The following LINC00632 variants were observed in gnomAD, a reference collection of about 807,000 sequenced individuals.
LINC00632 encodes long independently transcribed non-coding RNA 632.
intron 3 of LINC00632, among the ~76,000 whole-genome samples, chrX:140,767,939 C>A (rs1204793372): frequency 9.0e-6 from 1 of 111,535 alleles, no homozygotes; most frequent in African/African-American, 3.3e-5. Context: ...TGGAGCCTAA[C>A]CACCTCTTAA....
At chrX:140,763,402 CAAAAAA>C (rs139059108) in intron 3 of LINC00632, among the ~76,000 whole-genome samples, 2 of 73,667 alleles carry the variant, frequency 2.7e-5, no homozygotes, top group Non-Finnish European at 5.2e-5. Context: ...GACTCTGTCT[CAAAAAA>C]AAAAAAAAAA....
intron 3 of LINC00632, among the ~76,000 whole-genome samples, chrX:140,756,999 C>G: frequency 9.0e-6 from 1 of 111,713 alleles, no homozygotes; most frequent in Non-Finnish European, 1.9e-5. Flanking sequence ...GCTGGTTGCA[C>G]ACTTACTCTC....
chrX:140,790,071 T>C (rs1013404291), exon 5 of LINC00632, among the ~76,000 whole-genome samples: 2 of 111,378 alleles, frequency 1.8e-5, no homozygotes, highest in African/African-American at 3.3e-5. Flanking sequence ...TTTTGAGATA[T>C]CGTCTTTCTG....
At chrX:140,764,258 C>T (rs1369989828) in intron 3 of LINC00632, among the ~76,000 whole-genome samples, 1 of 108,079 alleles carries the variant, frequency 9.3e-6, no homozygotes, top group Non-Finnish European at 1.9e-5. Context: ...AATCCATCCA[C>T]GACTTTTACA....
chrX:140,771,021 T>G (rs1282774095), intron 3 of LINC00632, among the ~76,000 whole-genome samples: 1 of 111,631 alleles, frequency 9.0e-6, no homozygotes, highest in East Asian at 2.8e-4. Context: ...ACTCTCAGGC[T>G]CTAGAGAGAA....
exon 4 of LINC00632, chrX:140,772,432 C>G (rs1602753644): frequency 6.8e-6 from 2 of 293,466 alleles, no homozygotes; most frequent in East Asian, 4.8e-5. Flanking sequence ...TGTGTACTCT[C>G]ATTGATATAC....
At chrX:140,789,522 T>C (rs1932075868) in exon 5 of LINC00632, among the ~76,000 whole-genome samples, 1 of 111,917 alleles carries the variant, frequency 8.9e-6, no homozygotes, top group Non-Finnish European at 1.9e-5. Context: ...TTACAATTTT[T>C]TTGCACTTTT....
At chrX:140,745,608 C>T (rs776018776) in intron 3 of LINC00632, among the ~76,000 whole-genome samples, 3 of 111,598 alleles carry the variant, frequency 2.7e-5, no homozygotes, top group Admixed American at 1.9e-4. Flanking sequence ...CAGTCTAAAC[C>T]CAGCTGGAAG....
At chrX:140,723,356 CCACA>C (rs747046766) in intron 2 of LINC00632, among the ~76,000 whole-genome samples, 1 of 1,652 alleles carries the variant, frequency 6.1e-4, no homozygotes, top group Non-Finnish European at 2.8e-3. Flanking sequence ...TCGATACATT[CCACA>C]CACACACACA....
rs778121235 is a variant in LINC00632, at chrX:140,774,791, T to C, written n.2810T>C. Reference sequence around the variant, plus strand: ...ATTGTCTAGGCTTTCATAATACTCATGTCCTTGCCTCATTTTTTCCTAAAA... The same window carrying C: ...ATTGTCTAGGCTTTCATAATACTCACGTCCTTGCCTCATTTTTTCCTAAAA... On this transcript the variant is annotated non_coding_transcript_exon_variant, in exon 5 of 5. Coordinates refer to ENST00000648200, the Ensembl canonical transcript of LINC00632. Among the ~76,000 whole-genome samples, 3 of 111,559 alleles carry C rather than the reference T, an allele frequency of 2.7e-5. No individual in the cohort carries two copies. The East Asian group carries it at 8.5e-4, about 31-fold the overall frequency.
chrX:140,732,812 G>A (rs1335385155), intron 2 of LINC00632, among the ~76,000 whole-genome samples: 3 of 108,528 alleles, frequency 2.8e-5, no homozygotes, highest in Non-Finnish European at 1.9e-5. Flanking sequence ...CATCCAGGCT[G>A]GAGTGCAGTG....
exon 5 of LINC00632, among the ~76,000 whole-genome samples, chrX:140,780,385 A>G (rs1362611700): frequency 9.0e-6 from 1 of 111,661 alleles, no homozygotes; most frequent in Non-Finnish European, 1.9e-5. Context: ...CTGATGAGGG[A>G]TACATGAAAC....
intron 3 of LINC00632, among the ~76,000 whole-genome samples, chrX:140,766,020 C>T (rs1931685327): frequency 8.9e-6 from 1 of 111,767 alleles, no homozygotes; most frequent in Admixed American, 9.5e-5. Flanking sequence ...GAAAAGGGCA[C>T]ATGTGATCCC....
At chrX:140,758,552 A>G (rs1230030064) in intron 3 of LINC00632, among the ~76,000 whole-genome samples, 1 of 109,660 alleles carries the variant, frequency 9.1e-6, no homozygotes, top group East Asian at 2.9e-4. Flanking sequence ...TTTTGTTTTT[A>G]TTTTTAGTAG....
Position 140,736,366 on chromosome X carries a change from A to AT in LINC00632, n.191+2411dup, listed in dbSNP as rs778427288. Among the ~76,000 whole-genome samples the AT allele has an allele frequency of 8.7e-5, 9 of 103,941 alleles. No individual in the cohort carries two copies. In the East Asian group the frequency reaches 9.1e-4, roughly 10 times the overall value. 90.3% of individuals were successfully genotyped at this position (103,941 alleles called of 115,157 possible). A position where few individuals can be genotyped will look rare whatever the true frequency, so the allele number is the denominator to read the frequency against. On this transcript the variant is annotated intron_variant and non_coding_transcript_variant, in intron 3 of 4. Coordinates refer to ENST00000648200, the Ensembl canonical transcript of LINC00632. Reference sequence around the variant, plus strand: ...ATAATTGACTAAGAATAGCATATACATTTTTTTTTCAAATCCATAAACTTC... The same window carrying AT: ...ATAATTGACTAAGAATAGCATATACATTTTTTTTTTCAAATCCATAAACTTC...
At chrX:140,787,228 A>C (rs1462975133) in exon 5 of LINC00632, among the ~76,000 whole-genome samples, 1 of 111,502 alleles carries the variant, frequency 9.0e-6, no homozygotes, top group Non-Finnish European at 1.9e-5. Flanking sequence ...TAATCACTGT[A>C]AGGATTTTCG....
At chrX:140,781,421 T>C (rs1320388441) in exon 5 of LINC00632, among the ~76,000 whole-genome samples, 3 of 111,465 alleles carry the variant, frequency 2.7e-5, no homozygotes, top group East Asian at 2.8e-4. Context: ...GACATCCTCA[T>C]TGATCCTCAG....
At chrX:140,719,496 A>C (rs2148377872) in intron 2 of LINC00632, among the ~76,000 whole-genome samples, 1 of 109,309 alleles carries the variant, frequency 9.1e-6, no homozygotes, top group Non-Finnish European at 1.9e-5. Context: ...ACTAGGTTTC[A>C]TTTTGGCCAG....
In LINC00632 at chrX:140,747,779, C is replaced by T. The variant is rs543600138; in HGVS notation, n.191+13815C>T. ...TCTGGCTGTGCCTTTGGTGCCTTGA[C>T]CTATTTGGCCACATCCCATCCCTGC... On this transcript the variant is annotated intron_variant and non_coding_transcript_variant, in intron 3 of 4. Transcript: ENST00000648200. Among the ~76,000 whole-genome samples the T allele has an allele frequency of 9.9e-5, 11 of 111,465 alleles. No individual in the cohort carries two copies. The South Asian group carries it at 2.7e-3, about 27-fold the overall frequency.
Sources: allele counts gnomAD v4.1 joint callset (sites outside exome capture counted in the v4.1 genomes callset), GRCh38; gene constraint gnomAD v4.1.1; transcripts MANE v1.5; gene names NCBI Gene and HGNC (gene_info 2026-07-23, HGNC 2026-07-21).